The following LCOR variants were observed in gnomAD, a reference collection of about 807,000 sequenced individuals.
LCOR encodes the protein ligand dependent nuclear receptor corepressor, also known as ligand-dependent corepressor.
A neutral mutation model predicts 64.4 loss-of-function variants in LCOR; 14 were observed. The observed-to-expected ratio is 0.22, with a 90% CI of 0.14 to 0.34. The LOEUF (loss-of-function observed/expected upper bound fraction) is 0.34, where lower values mean the gene tolerates loss of function less well. LCOR is among the 10% of genes least tolerant of loss of function. LCOR has a pLI of 1.00. For synonymous variants in LCOR, 643 were observed against 642.5 expected, an observed-to-expected ratio of 1.00 and a Z score of -0.01; for missense variants, 1,686 against 1,765.3, an observed-to-expected ratio of 0.96 and a Z score of 0.80.
chr10:96,899,546 A>T (rs1589642095), intron 2 of LCOR, among the ~76,000 whole-genome samples: 1 of 152,110 alleles, frequency 6.6e-6, no homozygotes, highest in Non-Finnish European at 1.5e-5. Context: ...CTAAATACAG[A>T]TCTTATTCTG....
chr10:96,922,754 T>G (rs1392981282), intron 4 of LCOR, among the ~76,000 whole-genome samples: 1 of 152,208 alleles, frequency 6.6e-6, no homozygotes, highest in African/African-American at 2.4e-5. Flanking sequence ...AAATGCTGAT[T>G]ATAGATACTG....
intron 6 of LCOR, 122 bp downstream of exon 6, chr10:96,949,417 T>A: frequency 2.2e-6 from 2 of 914,658 alleles, no homozygotes; most frequent in Non-Finnish European, 1.7e-6. Flanking sequence ...ATGTGATTCT[T>A]AAATTATTTC....
intron 7 of LCOR, among the ~76,000 whole-genome samples, chr10:96,972,776 G>T (rs1240709560): frequency 1.3e-5 from 2 of 152,166 alleles, no homozygotes; most frequent in Non-Finnish European, 2.9e-5. Context: ...TTCATGCCCA[G>T]TAAGCTCCCT....
intron 2 of LCOR, among the ~76,000 whole-genome samples, chr10:96,861,340 T>G (rs1310700546): frequency 2.0e-5 from 3 of 152,220 alleles, no homozygotes; most frequent in Non-Finnish European, 2.9e-5. Flanking sequence ...GCAGTAAGCT[T>G]CTTCTAACAC....
intron 2 of LCOR, among the ~76,000 whole-genome samples, chr10:96,904,400 C>T (rs1478510138): frequency 6.6e-6 from 1 of 152,086 alleles, no homozygotes; most frequent in Non-Finnish European, 1.5e-5. Context: ...TAGGTAGGGT[C>T]AAATTATAAG....
chr10:96,924,937 T>C (rs2134479869), intron 4 of LCOR, among the ~76,000 whole-genome samples: 1 of 152,292 alleles, frequency 6.6e-6, no homozygotes. Context: ...GTGACCTTTA[T>C]ATTCTCCCTT....
intron 2 of LCOR, among the ~76,000 whole-genome samples, chr10:96,889,516 C>T (rs1042680571): frequency 2.6e-5 from 4 of 152,214 alleles, no homozygotes; most frequent in Non-Finnish European, 5.9e-5. Flanking sequence ...TGTGCTCATG[C>T]AGGGAGGTAG....
At chr10:96,834,526 CAT>C (rs1369055100) in intron 2 of LCOR, among the ~76,000 whole-genome samples, 2 of 152,250 alleles carry the variant, frequency 1.3e-5, no homozygotes, top group South Asian at 2.1e-4. Context: ...TTCGGACTAT[CAT>C]AGAAGAGAGC....
intron 2 of LCOR, among the ~76,000 whole-genome samples, chr10:96,848,028 T>C (rs1845662089): frequency 6.6e-6 from 1 of 152,222 alleles, no homozygotes; most frequent in African/African-American, 2.4e-5. Context: ...TATTACTCAG[T>C]ATAAATTATT....
chr10:96,921,398 T>A lies in LCOR; in HGVS notation c.-184+13651T>A, dbSNP rs533743758. Among the ~76,000 whole-genome samples, 4 of 152,296 alleles carry A rather than the reference T, an allele frequency of 2.6e-5. No individual in the cohort carries two copies. The East Asian group carries it at 7.7e-4, about 29-fold the overall frequency. Reference sequence around the variant, plus strand: ...TTAGCTCTTACAATTAGGTCTTCAATCTATTTTGAGTAAATTTTTATATAC... The same window carrying A: ...TTAGCTCTTACAATTAGGTCTTCAAACTATTTTGAGTAAATTTTTATATAC... On this transcript the variant is annotated intron_variant, in intron 4 of 7. Coordinates refer to ENST00000421806, the MANE Select transcript of LCOR (RefSeq NM_001346516.2).
intron 7 of LCOR, chr10:96,956,219 G>A: frequency 9.3e-7 from 1 of 1,073,550 alleles, no homozygotes; most frequent in Non-Finnish European, 1.1e-6. Flanking sequence ...TGTAGAGCCT[G>A]CATGCTTTTT....
chr10:96,971,109 T>C (rs1002769196), intron 7 of LCOR, among the ~76,000 whole-genome samples: 4 of 152,216 alleles, frequency 2.6e-5, no homozygotes, highest in African/African-American at 7.2e-5. Flanking sequence ...TTTAAAGCCA[T>C]TATGTAAACC....
chr10:96,834,221 G>A (rs1478163801), intron 2 of LCOR, among the ~76,000 whole-genome samples: 2 of 152,144 alleles, frequency 1.3e-5, no homozygotes, highest in Non-Finnish European at 2.9e-5. Flanking sequence ...AATGCTTTAA[G>A]GTATCTGATA....
At chr10:96,850,850 G>C (rs1845711178) in intron 2 of LCOR, among the ~76,000 whole-genome samples, 1 of 152,196 alleles carries the variant, frequency 6.6e-6, no homozygotes, top group African/African-American at 2.4e-5. Flanking sequence ...ACAATCTGAT[G>C]CCAGAACAAG....
chr10:96,963,838 C>G (rs530084801), intron 7 of LCOR: 1 of 152,160 alleles, frequency 6.6e-6, no homozygotes, highest in East Asian at 1.9e-4. Context: ...AAAATAAATT[C>G]TCTCCACATA....
chr10:96,835,976 C>T (rs191582702), intron 2 of LCOR, among the ~76,000 whole-genome samples: 16 of 152,268 alleles, frequency 1.1e-4, no homozygotes, highest in Non-Finnish European at 1.9e-4. Flanking sequence ...TCTCTCTGCG[C>T]CTGATATGAT....
chr10:96,876,892 A>G (rs1846174843), intron 2 of LCOR, among the ~76,000 whole-genome samples: 1 of 152,208 alleles, frequency 6.6e-6, no homozygotes, highest in South Asian at 2.1e-4. Flanking sequence ...ACAGGGTTTC[A>G]TTATGTTGGC....
At chr10:96,957,509 A>G (rs1258234242) in intron 7 of LCOR, 1 of 985,294 alleles carries the variant, frequency 1.0e-6, no homozygotes, top group African/African-American at 1.7e-5. Context: ...TGTATATTCT[A>G]ATCTGCTGAG....
At chr10:96,834,675 C>A (rs1845410430) in intron 2 of LCOR, among the ~76,000 whole-genome samples, 1 of 151,986 alleles carries the variant, frequency 6.6e-6, no homozygotes, top group African/African-American at 2.4e-5. Flanking sequence ...TTCAGCAGGG[C>A]TTTTTAGTCT....
Sources: gnomAD v4.1 joint callset for allele counts (sites outside exome capture counted in the v4.1 genomes callset) on GRCh38, gnomAD v4.1.1 for gene constraint, MANE v1.5 for transcripts, NCBI Gene and HGNC (gene_info 2026-07-23, HGNC 2026-07-21) for gene names.